The following RIF1 variants were observed in gnomAD, a reference collection of about 807,000 sequenced individuals.
The protein encoded by RIF1 is replication timing regulatory factor 1.
Under a neutral mutation model 247.1 loss-of-function variants are expected in RIF1, and 45 were observed. The observed-to-expected ratio is 0.18, with a 90% CI of 0.14 to 0.23. RIF1 has a LOEUF of 0.23. RIF1 is among the 10% of genes least tolerant of loss of function. The pLI, the probability that RIF1 is intolerant of heterozygous loss-of-function variation, is 1.00. For missense variants in RIF1, 2,967 were observed against 2,862.5 expected (o/e 1.04, Z -0.83); for synonymous variants, 1,087 against 978.8 (o/e 1.11, Z -2.06).
downstream of RIF1, chr2:151,486,678 G>C (rs1330001797): frequency 6.6e-6 from 1 of 151,496 alleles, no homozygotes; most frequent in Admixed American, 6.6e-5. Flanking sequence ...TAACAAGAAT[G>C]GGGTAGTAAC....
intron 16 of RIF1, among the ~76,000 whole-genome samples, chr2:151,442,698 T>C (rs890812981): frequency 6.6e-6 from 1 of 151,832 alleles, no homozygotes; most frequent in African/African-American, 2.4e-5. Context: ...TCTTTTTATA[T>C]CTGGAATCTC....
At chr2:151,424,265 G>A (rs529034307) in intron 8 of RIF1, among the ~76,000 whole-genome samples, 9 of 152,220 alleles carry the variant, frequency 5.9e-5, no homozygotes, top group Admixed American at 2.6e-4. Flanking sequence ...CAGTATGTCC[G>A]GCTAATTTTT....
At chr2:151,527,087 A>C in the RIF1 span, 2 of 1,072,092 alleles carry the variant, frequency 1.9e-6, no homozygotes, top group East Asian at 2.6e-5. Flanking sequence ...TGGGCATTTG[A>C]TTAAACACAC....
chr2:151,534,339 T>A, the RIF1 span: 14 of 1,596,800 alleles, frequency 8.8e-6, no homozygotes, highest in Non-Finnish European at 1.2e-5. Flanking sequence ...CATCATAGCA[T>A]ATTATAGCAA....
intron 12 of RIF1, among the ~76,000 whole-genome samples, chr2:151,504,420 G>A (rs1169772977): frequency 2.0e-5 from 3 of 152,194 alleles, no homozygotes; most frequent in Admixed American, 2.0e-4. Context: ...GTAATGCAAA[G>A]TGACAAAGGA....
chr2:151,507,726 C>A, intron 13 of RIF1: 1 of 357,936 alleles, frequency 2.8e-6, no homozygotes, highest in South Asian at 6.8e-5. Flanking sequence ...TCTTTTGTTA[C>A]AGGGGTTTTC....
At position 151,418,637 on chromosome 2, in the gene RIF1, G is replaced by A. The variant is rs145518340; in HGVS notation, c.504-1553G>A. ...CACCTGTAATCCCAGAACTTTGGGAGGCCCAGGTGGGTGGATTACCTGAGG... is the reference window on the plus strand; with the variant it reads ...CACCTGTAATCCCAGAACTTTGGGAAGCCCAGGTGGGTGGATTACCTGAGG... On this transcript the variant is annotated intron_variant, in intron 6 of 35. Coordinates refer to ENST00000444746, the MANE Select transcript of RIF1 (RefSeq NM_018151.5). Among the ~76,000 whole-genome samples, 256 of 151,500 alleles carry A rather than the reference G, an allele frequency of 1.7e-3. 1 individual carries two copies. The highest frequency in any genetic ancestry group is 6.0e-3 in the African/African-American group (246 of 41,316).
chr2:151,426,629 T>G (rs1344305639), intron 8 of RIF1, among the ~76,000 whole-genome samples: 1 of 152,078 alleles, frequency 6.6e-6, no homozygotes, highest in Non-Finnish European at 1.5e-5. Flanking sequence ...TTTCTACCCA[T>G]GAACACAGAT....
chr2:151,455,471 T>TTGCAATTAATTATATGGTA (rs1695030385), intron 22 of RIF1, among the ~76,000 whole-genome samples: 1 of 152,180 alleles, frequency 6.6e-6, no homozygotes, highest in Non-Finnish European at 1.5e-5. Context: ...GCATGCTGTT[T>TTGCAATTAATTATATGGTA]TGCAATTAAT....
intron 2 of RIF1, 36 bp from the exon 3 acceptor site, chr2:151,411,224 C>A: frequency 2.4e-6 from 3 of 1,243,378 alleles, no homozygotes; most frequent in South Asian, 2.6e-5. Context: ...TTTTTCCTGT[C>A]AACTACTTAA....
intron 34 of RIF1, among the ~76,000 whole-genome samples, chr2:151,471,995 T>C (rs1048387772): frequency 6.6e-6 from 1 of 152,190 alleles, no homozygotes; most frequent in Non-Finnish European, 1.5e-5. Flanking sequence ...ATTCTTCCTA[T>C]CCATGAGCAT....
intron 15 of RIF1, among the ~76,000 whole-genome samples, chr2:151,441,062 A>C (rs1326934477): frequency 1.3e-5 from 2 of 152,150 alleles, no homozygotes; most frequent in African/African-American, 4.8e-5. Context: ...CAAGGTGGGC[A>C]AATTGCAAAA....
At chr2:151,484,589 C>CT (rs1470906411), downstream of RIF1, among the ~76,000 whole-genome samples, 1 of 152,192 alleles carries the variant, frequency 6.6e-6, no homozygotes, top group Non-Finnish European at 1.5e-5. Flanking sequence ...GAGGGAGACT[C>CT]TGTCTCCAAA....
chr2:151,474,746 C>T (rs2048846048), intron 35 of RIF1, 111 bp from the exon 36 acceptor site: 1 of 672,832 alleles, frequency 1.5e-6, no homozygotes. Flanking sequence ...AAGACTTAAG[C>T]CTGCTCTCTC....
intron 2 of RIF1, among the ~76,000 whole-genome samples, chr2:151,410,830 A>G (rs1046197647): frequency 3.3e-5 from 5 of 151,018 alleles, no homozygotes; most frequent in African/African-American, 9.8e-5. Context: ...CTTCAGTGTA[A>G]ACCTCCGATG....
the RIF1 span, among the ~76,000 whole-genome samples, chr2:151,521,375 A>G: frequency 6.6e-6 from 1 of 152,214 alleles, no homozygotes; most frequent in African/African-American, 2.4e-5. Context: ...CAAATGCTAC[A>G]ATGGCTCTTC....
rs1323364980 is a variant in RIF1 at position 151,498,295 on chromosome 2, G to A, written c.*514-1050G>A. Reference sequence around the variant, plus strand: ...TTTTCTTGATTGTGTTTGACTCTCTGCATCTCAGGAGTGATGGGGATTGGA... The same window carrying A: ...TTTTCTTGATTGTGTTTGACTCTCTACATCTCAGGAGTGATGGGGATTGGA... On this transcript the variant is annotated intron_variant and NMD_transcript_variant, in intron 10 of 13. Transcript: ENST00000454583. 3.9e-6 allele frequency: 6 copies of A among 1,551,270 alleles called. No individual in the cohort carries two copies. Among genetic ancestry groups the A allele is most frequent in the Non-Finnish European group, 5.2e-6 (6 of 1,146,832 alleles).
At chr2:151,455,554 G>A (rs1021145741) in intron 22 of RIF1, among the ~76,000 whole-genome samples, 51 of 152,022 alleles carry the variant, frequency 3.4e-4, no homozygotes, top group African/African-American at 1.1e-3. Context: ...AACCAACCCT[G>A]GATCGAAACT....
chr2:151,422,122 G>A (rs1261396780), intron 7 of RIF1, among the ~76,000 whole-genome samples: 3 of 152,080 alleles, frequency 2.0e-5, no homozygotes, highest in South Asian at 2.1e-4. Flanking sequence ...GAGCCACTGC[G>A]CCTGACCATA....
Sources: gnomAD v4.1 joint callset for allele counts (sites outside exome capture counted in the v4.1 genomes callset) on GRCh38, gnomAD v4.1.1 for gene constraint, MANE v1.5 for transcripts, NCBI Gene and HGNC (gene_info 2026-07-23, HGNC 2026-07-21) for gene names.